The following KIAA1217 variants were observed in gnomAD, a reference collection of about 807,000 sequenced individuals.
The protein encoded by KIAA1217 is sickle tail protein homolog.
Under a neutral mutation model 163.9 loss-of-function variants are expected in KIAA1217, and 88 were observed. The ratio of observed to expected loss-of-function variants is 0.54; its 90% confidence interval spans 0.45 to 0.64. The LOEUF (loss-of-function observed/expected upper bound fraction) is 0.64. Among genes scored for constraint, KIAA1217 ranks in the 30% least tolerant of loss-of-function variants. KIAA1217 has a pLI of 0.00. For missense variants in KIAA1217, 2,372 were observed against 2,475.0 expected (o/e 0.96, Z 0.88); for synonymous variants, 903 against 923.1 (o/e 0.98, Z 0.39).
intron 1 of KIAA1217, among the ~76,000 whole-genome samples, chr10:23,917,693 A>G (rs185470220): frequency 6.6e-6 from 1 of 152,314 alleles, no homozygotes; most frequent in Non-Finnish European, 1.5e-5. Flanking sequence ...AAGGTAACAC[A>G]GGGCTCTCCC....
At chr10:24,156,328 C>A (rs1380115790) in intron 2 of KIAA1217, among the ~76,000 whole-genome samples, 2 of 151,956 alleles carry the variant, frequency 1.3e-5, no homozygotes, top group East Asian at 3.9e-4. Context: ...GAGTAGTAGC[C>A]TATTGTTTGG....
chr10:23,701,786 A>C (rs1021194282), intron 1 of KIAA1217, among the ~76,000 whole-genome samples: 1 of 152,188 alleles, frequency 6.6e-6, no homozygotes, highest in African/African-American at 2.4e-5. Context: ...GGACATTGTG[A>C]GCAGATATTG....
intron 2 of KIAA1217, among the ~76,000 whole-genome samples, chr10:24,252,485 C>A (rs2074667342): frequency 6.6e-6 from 1 of 152,098 alleles, no homozygotes; most frequent in Non-Finnish European, 1.5e-5. Context: ...GAAGCCGAGG[C>A]CAAAGGATTG....
At chr10:24,227,542 C>CT (rs201650585) in intron 2 of KIAA1217, among the ~76,000 whole-genome samples, 7,258 of 149,030 alleles carry the variant, frequency 0.049, 568 homozygotes, top group African/African-American at 0.17. Flanking sequence ...CTTTTTTTTT[C>CT]TTTTTTTTGA....
intron 2 of KIAA1217, among the ~76,000 whole-genome samples, chr10:24,047,981 G>T (rs550050178): frequency 6.6e-6 from 1 of 152,234 alleles, no homozygotes; most frequent in African/African-American, 2.4e-5. Context: ...ATCATCCATT[G>T]ATAGGACTTA....
intron 1 of KIAA1217, among the ~76,000 whole-genome samples, chr10:23,917,375 C>T (rs1352236106): frequency 6.6e-6 from 1 of 152,150 alleles, no homozygotes; most frequent in Non-Finnish European, 1.5e-5. Flanking sequence ...AGGGGATACT[C>T]AGGTTCTTAC....
chr10:24,491,360 GC>G (rs1013641984), intron 6 of KIAA1217, among the ~76,000 whole-genome samples: 1 of 131,682 alleles, frequency 7.6e-6, no homozygotes, highest in African/African-American at 3.0e-5. Flanking sequence ...TGCAATCTCT[GC>G]TCACTGCAAC....
At chr10:24,421,582 CCTT>C (rs1204008093) in intron 3 of KIAA1217, among the ~76,000 whole-genome samples, 1 of 152,268 alleles carries the variant, frequency 6.6e-6, no homozygotes, top group South Asian at 2.1e-4. Flanking sequence ...TTAAAACAAT[CCTT>C]CTAACATTTC....
At chr10:24,356,101 T>C (rs72776727) in intron 2 of KIAA1217, among the ~76,000 whole-genome samples, 2 of 152,256 alleles carry the variant, frequency 1.3e-5, no homozygotes, top group East Asian at 3.9e-4. Flanking sequence ...CTCTTTCTTT[T>C]GTGCATAACT....
intron 2 of KIAA1217, among the ~76,000 whole-genome samples, chr10:24,122,581 A>G (rs994217195): frequency 1.7e-4 from 26 of 152,272 alleles, no homozygotes; most frequent in East Asian, 3.9e-4. Context: ...CAGAAATACT[A>G]TCCTCTCACA....
chr10:23,985,208 T>C (rs1845922033), intron 1 of KIAA1217, among the ~76,000 whole-genome samples: 1 of 152,228 alleles, frequency 6.6e-6, no homozygotes, highest in Non-Finnish European at 1.5e-5. Context: ...ATATTAATGA[T>C]ATACAATGCC....
At chr10:24,125,495 T>C (rs2063440841) in intron 2 of KIAA1217, among the ~76,000 whole-genome samples, 1 of 152,156 alleles carries the variant, frequency 6.6e-6, no homozygotes, top group Non-Finnish European at 1.5e-5. Context: ...AATGTATTGA[T>C]ACAAAGTTGT....
intron 1 of KIAA1217, among the ~76,000 whole-genome samples, chr10:23,871,266 A>G (rs1840443546): frequency 6.6e-6 from 1 of 152,020 alleles, no homozygotes; most frequent in Non-Finnish European, 1.5e-5. Flanking sequence ...CATTTGTTCT[A>G]CAGCTTGGGA....
chr10:24,437,358 G>A (rs1045673459), intron 4 of KIAA1217, among the ~76,000 whole-genome samples: 3 of 152,174 alleles, frequency 2.0e-5, no homozygotes, highest in South Asian at 2.1e-4. Context: ...AATTACTGGC[G>A]GATATTTAAA....
At chr10:24,501,588 C>T in intron 9 of KIAA1217, 43 bp downstream of exon 9, 2 of 1,570,422 alleles carry the variant, frequency 1.3e-6, no homozygotes, top group Non-Finnish European at 1.7e-6. Context: ...TTGCCCTGAG[C>T]TCTTCCTACC....
At chr10:24,537,978 A>G (rs962149917) in intron 17 of KIAA1217, among the ~76,000 whole-genome samples, 1 of 152,246 alleles carries the variant, frequency 6.6e-6, no homozygotes, top group Non-Finnish European at 1.5e-5. Context: ...TCTAAACTTC[A>G]GGATAAAAAG....
intron 8 of KIAA1217, among the ~76,000 whole-genome samples, chr10:24,500,306 C>T (rs1366134695): frequency 2.0e-5 from 3 of 146,376 alleles, no homozygotes; most frequent in Non-Finnish European, 4.5e-5. Context: ...TGGATCCAGC[C>T]TTTACTCCAG....
intron 10 of KIAA1217, among the ~76,000 whole-genome samples, 167 bp from the exon 11 acceptor site, chr10:24,519,956 C>T (rs2070824729): frequency 1.3e-5 from 2 of 152,118 alleles, no homozygotes; most frequent in African/African-American, 4.8e-5. Flanking sequence ...TGTTCCCAGC[C>T]ACTGTTAAAA....
chr10:24,329,963 T>C (rs759576804), intron 2 of KIAA1217, among the ~76,000 whole-genome samples: 10 of 152,168 alleles, frequency 6.6e-5, no homozygotes, highest in Non-Finnish European at 4.4e-5. Context: ...ACTTGTCTAA[T>C]GCATAATTTA....
Sources: allele counts gnomAD v4.1 joint callset (sites outside exome capture counted in the v4.1 genomes callset), GRCh38; gene constraint gnomAD v4.1.1; transcripts MANE v1.5; gene names NCBI Gene and HGNC (gene_info 2026-07-23, HGNC 2026-07-21).